The following CRB2 variants were observed in gnomAD, a reference collection of about 807,000 sequenced individuals.
The protein encoded by CRB2 is protein crumbs homolog 2.
In CRB2, 85 loss-of-function variants were observed where a neutral mutation model predicts 110.9. The observed-to-expected ratio is 0.77, with a 90% CI of 0.64 to 0.92. The LOEUF is 0.92. Among genes scored for constraint, CRB2 ranks in the 40% least tolerant of loss-of-function variants. The pLI is 0.00. For synonymous variants in CRB2, 907 were observed against 831.0 expected, an observed-to-expected ratio of 1.09 and a Z score of -1.57; for missense variants, 1,843 against 1,851.3, an observed-to-expected ratio of 1.00 and a Z score of 0.08.
rs866846842 is a variant in CRB2, at chr9:123,361,138, G to C, written c.95-1727G>C. Among the ~76,000 whole-genome samples, 5 of 115,962 alleles carry C rather than the reference G, an allele frequency of 4.3e-5. 1 individual carries two copies. Among genetic ancestry groups the C allele is most frequent in the African/African-American group, 1.4e-4 (4 of 29,340 alleles). 76.1% of individuals were successfully genotyped at this position (115,962 alleles called of 152,430 possible). ...AAGCTTCAGATTGGATGGGCGGGGA[G>C]GGGGGGGGGTTCCTTGCACTGCACA... is the stretch of plus-strand genomic sequence containing the variant. On this transcript the variant is annotated intron_variant, in intron 1 of 12. Transcript: ENST00000373631.
intron 6 of CRB2, among the ~76,000 whole-genome samples, chr9:123,369,519 G>A (rs1456630413): frequency 6.6e-6 from 1 of 152,118 alleles, no homozygotes; most frequent in Non-Finnish European, 1.5e-5. Flanking sequence ...GAAAGGAAGG[G>A]TAAGGGTGAA....
chr9:123,366,089 C>T lies in CRB2; in HGVS notation c.591C>T (p.Gly197=). The T allele has an allele frequency of 2.0e-6, 3 of 1,534,746 alleles. No homozygotes were observed. The highest frequency in any genetic ancestry group is 2.6e-6 in the Non-Finnish European group (3 of 1,147,966). ...ECQSQPCAHG[G]TCHDLVNGFR... is the part of the protein sequence containing the mutation. ...AGAGCCAGCCGTGCGCACATGGGGG[C>T]ACGTGCCACGACCTGGTCAACGGGT... The change falls in exon 3 of 13, where the codon GGC becomes GGT. Residue 197 remains glycine, a synonymous_variant. Coordinates refer to ENST00000373631, the MANE Select transcript of CRB2 (RefSeq NM_173689.7).
rs138281838 is a variant in CRB2 at position 123,367,273 on chromosome 9, G to A, written c.856G>A (p.Gly286Arg). The A allele has an allele frequency of 3.4e-5, 54 of 1,600,000 alleles. No homozygotes were observed. Among genetic ancestry groups the A allele is most frequent in the Admixed American group, 8.7e-5 (5 of 57,670 alleles). The change falls in exon 5 of 13, where the codon GGG becomes AGG. Residue 286 changes from glycine to arginine, a missense_variant. By Grantham distance (125) the Gly-to-Arg change is moderately radical. Transcript: ENST00000373631. Reference protein sequence around the residue: ...CLQRSDPALYGGVQAAFPGAF... With the variant: ...CLQRSDPALYRGVQAAFPGAF... ...GCAGCGCTCTGACCCGGCCCTCTACGGGGGTGTCCAGGCCGCCTTCCCTGG... is the reference window on the plus strand; with the variant it reads ...GCAGCGCTCTGACCCGGCCCTCTACAGGGGTGTCCAGGCCGCCTTCCCTGG...
At chr9:123,376,335 GTGAC>G (rs2042102672) in intron 12 of CRB2, among the ~76,000 whole-genome samples, 1 of 152,190 alleles carries the variant, frequency 6.6e-6, no homozygotes, top group African/African-American at 2.4e-5. Context: ...CTGGGAGCCT[GTGAC>G]TGGAGACACC....
Position 123,373,870 on chromosome 9 carries a change from C to T in CRB2, c.3339C>T (p.Asp1113=), listed in dbSNP as rs752586403. The T allele has an allele frequency of 1.9e-6, 3 of 1,550,932 alleles. No homozygotes were observed. The highest frequency in any genetic ancestry group is 1.4e-5 in the African/African-American group (1 of 73,424). The change falls in exon 10 of 13, where the codon GAC becomes GAT. Residue 1113 remains aspartate, a synonymous_variant. Transcript: ENST00000373631. ...GTGGCCGCTGTCACACGCACCCCGA[C>T]GGCCGCTTCGAGTGCCGCTGCCCGC... is the stretch of plus-strand genomic sequence containing the variant. The part of the protein sequence containing the change: ...CARGRCHTHP[D]GRFECRCPPG...
At position 123,373,603 on chromosome 9, in the gene CRB2, G is replaced by A; in HGVS notation, c.3072G>A (p.Leu1024=). 2 of 1,379,884 alleles carry A rather than the reference G, an allele frequency of 1.4e-6. No individual in the cohort carries two copies. Among genetic ancestry groups the A allele is most frequent in the South Asian group, 3.3e-5 (2 of 60,320 alleles). 85.5% of individuals were successfully genotyped at this position (1,379,884 alleles called of 1,614,324 possible). A position where few individuals can be genotyped will look rare whatever the true frequency, so the allele number is the denominator to read the frequency against. ...LGRVALGGLP[L]PLARPRPGAA... ...GCGTGGCGCTGGGCGGCCTGCCCCT[G>A]CCCTTGGCGCGGCCCCGGCCCGGCG... Residue 1024 remains leucine, a synonymous_variant, in exon 10 of 13, where the codon CTG becomes CTA. Transcript: ENST00000373631.
chr9:123,359,826 A>G (rs1430197899), intron 1 of CRB2, among the ~76,000 whole-genome samples: 2 of 152,170 alleles, frequency 1.3e-5, no homozygotes, highest in Non-Finnish European at 2.9e-5. Context: ...AGGAGTTACT[A>G]ATGAGTGAGG....
chr9:123,369,976 T>G (rs370202820), intron 6 of CRB2, 132 bp from the exon 7 acceptor site: 87 of 1,109,912 alleles, frequency 7.8e-5, no homozygotes, highest in Non-Finnish European at 1.1e-4. Context: ...GAGGGGACCA[T>G]GAGAAATCCT....
rs2042082825 is a variant in CRB2 at position 123,375,087 on chromosome 9, G to C, written c.3507-130G>C. Reference sequence around the variant, plus strand: ...CACCTGGCAGGGCCCAGCTGGGCAGGAGCAGCGCATGGGGACAGTGGATGG... The same window carrying C: ...CACCTGGCAGGGCCCAGCTGGGCAGCAGCAGCGCATGGGGACAGTGGATGG... On this transcript the variant is annotated intron_variant, in intron 11 of 12. Transcript: ENST00000373631. 5.1e-6 allele frequency: 7 copies of C among 1,379,748 alleles called. No individual in the cohort carries two copies. The East Asian group carries it at 1.6e-4, about 32-fold the overall frequency. 85.5% of individuals were successfully genotyped at this position (1,379,748 alleles called of 1,614,324 possible).
chr9:123,367,417 G>GCCCACCCC (rs1409927078), intron 5 of CRB2, 60 bp downstream of exon 5: 91 of 1,269,802 alleles, frequency 7.2e-5, no homozygotes, highest in East Asian at 1.5e-4. Flanking sequence ...GGGATCTTGT[G>GCCCACCCC]CCCACCCCCC....
chr9:123,355,951 G>A (rs1318847833), upstream of CRB2, among the ~76,000 whole-genome samples: 1 of 152,072 alleles, frequency 6.6e-6, no homozygotes, highest in Non-Finnish European at 1.5e-5. Flanking sequence ...TTTCTCCAAG[G>A]AGGCTGACCT....
Position 123,371,474 on chromosome 9 carries a change from C to T in CRB2, c.2332C>T (p.Pro778Ser), listed in dbSNP as rs758601913. The T allele has an allele frequency of 5.6e-6, 9 of 1,613,266 alleles. No homozygotes were observed. The highest frequency in any genetic ancestry group is 6.8e-6 in the Non-Finnish European group (8 of 1,180,046). Residue 778 changes from proline to serine, a missense_variant, in exon 8 of 13, where the codon CCC becomes TCC. By Grantham distance (74) the Pro-to-Ser change is moderately conservative. Coordinates refer to ENST00000373631, the MANE Select transcript of CRB2 (RefSeq NM_173689.7). ...CCTGCGACTCGATGGCTGCCACCTC[C>T]CCTTCTTTCCTCTGCCACTGGATAA... is the stretch of plus-strand genomic sequence containing the variant. ...QDLRLDGCHLPFFPLPLDNSS... is the reference protein window; with the variant it reads ...QDLRLDGCHLSFFPLPLDNSS...
Position 123,370,629 on chromosome 9 carries a change from C to T in CRB2, c.1576C>T (p.Leu526Phe). 1.2e-6 allele frequency: 2 copies of T among 1,611,062 alleles called. No homozygotes were observed. Among genetic ancestry groups the T allele is most frequent in the Non-Finnish European group, 1.7e-6 (2 of 1,180,016 alleles). ...DGHWHQVEVVLHLATLELRLW... is the reference protein window; with the variant it reads ...DGHWHQVEVVFHLATLELRLW... ...CCATTGGCACCAGGTGGAGGTTGTG[C>T]TCCATCTAGCGACCCTGGAGCTACG... The change falls in exon 7 of 13, where the codon CTC becomes TTC. Residue 526 changes from leucine (L) to phenylalanine (F), a missense_variant. Physicochemically the swap from Leu to Phe is conservative, Grantham distance 22 (BLOSUM62 0). Transcript: ENST00000373631.
At chr9:123,358,743 CTG>C (rs1370883070) in intron 1 of CRB2, among the ~76,000 whole-genome samples, 1 of 152,240 alleles carries the variant, frequency 6.6e-6, no homozygotes, top group Non-Finnish European at 1.5e-5. Context: ...TCACAGTACA[CTG>C]TGCTACTTGC....
intron 10 of CRB2, 181 bp downstream of exon 10, chr9:123,374,101 A>T (rs980520648): frequency 4.5e-6 from 4 of 893,886 alleles, no homozygotes; most frequent in African/African-American, 1.7e-5. Context: ...TCAAAACACA[A>T]CCAGTTAGCC....
intron 1 of CRB2, among the ~76,000 whole-genome samples, chr9:123,357,958 G>A (rs1232126810): frequency 6.6e-6 from 1 of 152,248 alleles, no homozygotes; most frequent in Non-Finnish European, 1.5e-5. Context: ...GGCTGTGGGG[G>A]GTCTGGACAC....
rs371411754 is a variant in CRB2, at chr9:123,362,882, C to A, written c.112C>A (p.Pro38Thr). The A allele has an allele frequency of 1.9e-6, 3 of 1,583,268 alleles. No individual in the cohort carries two copies. The highest frequency in any genetic ancestry group is 1.7e-6 in the Non-Finnish European group (2 of 1,156,890). The change falls in exon 2 of 13, where the codon CCC becomes ACC. Residue 38 changes from proline to threonine, a missense_variant. Coordinates refer to ENST00000373631, the MANE Select transcript of CRB2 (RefSeq NM_173689.7). The stretch of plus-strand genomic sequence containing the variant: ...TTCTACAGGGACGGTGCCTTCAGAG[C>A]CCCCCAGTGCCTGTGCCTCAGACCC... ...SLLAGTVPSE[P>T]PSACASDPCA...
chr9:123,371,716 C>A, intron 8 of CRB2, 138 bp downstream of exon 8: 1 of 1,191,054 alleles, frequency 8.4e-7, no homozygotes, highest in Non-Finnish European at 1.2e-6. Context: ...TGCCCAGGGT[C>A]CCACTACAGG....
chr9:123,367,457 CACACCCGAGTCTG>C, intron 5 of CRB2, 100 bp downstream of exon 5: 8 of 827,218 alleles, frequency 9.7e-6, no homozygotes, highest in South Asian at 3.5e-5. Context: ...CCCCACACCC[CACACCCGAGTCTG>C]CCCTCTCTCT....
Sources: gnomAD v4.1 joint callset for allele counts (sites outside exome capture counted in the v4.1 genomes callset) on GRCh38, gnomAD v4.1.1 for gene constraint, MANE v1.5 for transcripts, NCBI Gene and HGNC (gene_info 2026-07-23, HGNC 2026-07-21) for gene names.